Variants in RAB38 observed in about 807,000 individuals in gnomAD.
RAB38 encodes RAB38, member RAS oncogene family.
Under a neutral mutation model 18.4 loss-of-function variants are expected in RAB38, and 15 were observed. That is an observed-to-expected ratio of 0.82 (90% confidence interval 0.55 to 1.26). RAB38 has a LOEUF of 1.26. Among genes scored for constraint, RAB38 ranks in the 50% most tolerant of loss-of-function variants. The pLI, the probability that RAB38 is intolerant of heterozygous loss-of-function variation, is 0.00. For missense variants in RAB38, 294 were observed against 267.4 expected (o/e 1.10, Z -0.69); for synonymous variants, 101 against 104.4 (o/e 0.97, Z 0.20).
At chr11:88,063,662 A>C in the RAB38 span, among the ~76,000 whole-genome samples, 2 of 152,168 alleles carry the variant, frequency 1.3e-5, no homozygotes, top group African/African-American at 2.4e-5. Flanking sequence ...AGATAATTGA[A>C]TCATGGGGGC....
At chr11:87,882,708 G>A in the RAB38 span, among the ~76,000 whole-genome samples, 1 of 151,722 alleles carries the variant, frequency 6.6e-6, no homozygotes, top group African/African-American at 2.4e-5. Context: ...CACTCATTTT[G>A]GTCTCTCTGT....
At chr11:87,929,749 G>A in the RAB38 span, among the ~76,000 whole-genome samples, 4 of 125,122 alleles carry the variant, frequency 3.2e-5, no homozygotes, top group Admixed American at 1.1e-4. Context: ...GGTGTGTGAC[G>A]TTCCCCTTCC....
At chr11:87,949,095 A>C in the RAB38 span, among the ~76,000 whole-genome samples, 2 of 152,088 alleles carry the variant, frequency 1.3e-5, no homozygotes, top group Non-Finnish European at 2.9e-5. Flanking sequence ...AAGAGATTCA[A>C]CTTCTTCCTG....
the RAB38 span, among the ~76,000 whole-genome samples, chr11:87,945,075 T>G: frequency 6.6e-6 from 1 of 151,134 alleles, no homozygotes; most frequent in Non-Finnish European, 1.5e-5. Context: ...GACACATGGG[T>G]AAATTTTAAA....
chr11:88,091,169 A>G, the RAB38 span, among the ~76,000 whole-genome samples: 1 of 151,950 alleles, frequency 6.6e-6, no homozygotes, highest in Non-Finnish European at 1.5e-5. Flanking sequence ...TCCCTAGCTC[A>G]CCCAATATTG....
intron 2 of RAB38, 141 bp from the exon 3 acceptor site, chr11:88,114,281 A>G (rs1445728661): frequency 2.3e-6 from 2 of 888,778 alleles, no homozygotes; most frequent in African/African-American, 3.4e-5. Context: ...CCTCACTCTT[A>G]TTTGTTCCTT....
At position 88,115,261 on chromosome 11, in the gene RAB38, A is replaced by G. The variant is rs540948878; in HGVS notation, c.484-1121T>C. On this transcript the variant is annotated intron_variant, in intron 2 of 2. Coordinates refer to ENST00000243662, the MANE Select transcript of RAB38 (RefSeq NM_022337.3). ...TGTATTTCTTCATACTTAAAGAGAC[A>G]AGGCTTTCTCGTTGTTAAAATGTTT... Among the ~76,000 whole-genome samples the G allele has an allele frequency of 1.1e-4, 16 of 149,930 alleles. 1 individual carries two copies. In the East Asian group the frequency reaches 3.2e-3, roughly 30 times the overall value.
At chr11:88,096,315 A>ATTGT in the RAB38 span, among the ~76,000 whole-genome samples, 1 of 151,604 alleles carries the variant, frequency 6.6e-6, no homozygotes, top group South Asian at 2.1e-4. Flanking sequence ...TCTGTCTATA[A>ATTGT]TTGTTTTTTT....
chr11:88,125,064 T>C (rs1480351024), intron 2 of RAB38, among the ~76,000 whole-genome samples: 1 of 152,166 alleles, frequency 6.6e-6, no homozygotes, highest in African/African-American at 2.4e-5. Flanking sequence ...TCCTGTGTAG[T>C]CTTCTCTCTG....
the RAB38 span, among the ~76,000 whole-genome samples, chr11:87,898,470 T>C: frequency 4.0e-5 from 6 of 151,688 alleles, no homozygotes; most frequent in Non-Finnish European, 5.9e-5. Context: ...TTTTGCTTTT[T>C]AAAATTAGTA....
intron 2 of RAB38, among the ~76,000 whole-genome samples, chr11:88,143,292 A>G (rs1435395271): frequency 6.6e-6 from 1 of 152,284 alleles, no homozygotes; most frequent in Non-Finnish European, 1.5e-5. Context: ...GGTTGGCTAA[A>G]GAGAAGTTAT....
chr11:88,075,881 A>G, the RAB38 span, among the ~76,000 whole-genome samples: 2 of 140,856 alleles, frequency 1.4e-5, no homozygotes, highest in Admixed American at 6.9e-5. Flanking sequence ...ATTTTGTCTC[A>G]AAAAAAAGAA....
At chr11:88,072,101 T>C in the RAB38 span, among the ~76,000 whole-genome samples, 1 of 152,194 alleles carries the variant, frequency 6.6e-6, no homozygotes, top group African/African-American at 2.4e-5. Flanking sequence ...CAGTCTACCT[T>C]ACCAAAATCA....
chr11:88,102,339 C>G, the RAB38 span, among the ~76,000 whole-genome samples: 45 of 152,148 alleles, frequency 3.0e-4, no homozygotes, highest in Non-Finnish European at 5.6e-4. Context: ...ACCCTTCTAT[C>G]TTTTTACTCT....
chr11:87,873,922 G>GTGTATA, the RAB38 span, among the ~76,000 whole-genome samples: 437 of 103,108 alleles, frequency 4.2e-3, 4 homozygotes, highest in East Asian at 0.013. Context: ...GTGTGTGTGT[G>GTGTATA]TATATATATA....
At chr11:87,926,760 A>C in the RAB38 span, among the ~76,000 whole-genome samples, 6 of 152,040 alleles carry the variant, frequency 3.9e-5, no homozygotes, top group African/African-American at 1.4e-4. Context: ...CTGACCGGCT[A>C]ATCTGTGAAG....
the RAB38 span, among the ~76,000 whole-genome samples, chr11:87,856,456 C>G: frequency 7.2e-5 from 11 of 152,220 alleles, 1 homozygote; most frequent in South Asian, 2.1e-3. Flanking sequence ...TATTTATTAA[C>G]GTAAGCCACA....
At chr11:88,017,424 G>A in the RAB38 span, among the ~76,000 whole-genome samples, 4 of 151,500 alleles carry the variant, frequency 2.6e-5, no homozygotes, top group Admixed American at 6.6e-5. Context: ...AATTTCTAAG[G>A]TCGTATAATC....
the RAB38 span, among the ~76,000 whole-genome samples, chr11:88,011,562 G>A: frequency 0.77 from 117,142 of 152,112 alleles, 45,614 homozygotes; most frequent in African/African-American, 0.88. Context: ...AAGCATCTCA[G>A]AAAGATGACT....
Sources: gnomAD v4.1 joint callset for allele counts (sites outside exome capture counted in the v4.1 genomes callset) on GRCh38, gnomAD v4.1.1 for gene constraint, MANE v1.5 for transcripts, NCBI Gene and HGNC (gene_info 2026-07-23, HGNC 2026-07-21) for gene names.